The following WDR70 variants were observed in gnomAD, a reference collection of about 807,000 sequenced individuals.
WDR70 encodes the protein WD repeat domain 70.
Under a neutral mutation model 88.6 loss-of-function variants are expected in WDR70, and 53 were observed. That is an observed-to-expected ratio of 0.60 (90% CI 0.48 to 0.75). WDR70 has a LOEUF of 0.75. WDR70 is among the 30% of genes least tolerant of loss of function. The pLI is 0.00. For synonymous variants in WDR70, 280 were observed against 270.0 expected (o/e 1.04, Z -0.36); for missense variants, 610 against 823.2 (o/e 0.74, Z 3.17).
intron 15 of WDR70, 61 bp from the exon 16 acceptor site, chr5:37,724,873 T>A: frequency 7.1e-7 from 1 of 1,404,214 alleles, no homozygotes; most frequent in Non-Finnish European, 1.0e-6. Flanking sequence ...ATGCTTTAAC[T>A]ATGTTTTTGG....
At chr5:37,528,870 G>A (rs778393963) in intron 9 of WDR70, among the ~76,000 whole-genome samples, 9 of 145,700 alleles carry the variant, frequency 6.2e-5, no homozygotes, top group Admixed American at 2.0e-4. Flanking sequence ...TTGGGTTCTT[G>A]GTCATGAAGT....
chr5:37,502,400 A>G (rs774948190), intron 8 of WDR70, among the ~76,000 whole-genome samples: 1 of 152,102 alleles, frequency 6.6e-6, no homozygotes, highest in Non-Finnish European at 1.5e-5. Flanking sequence ...TTCCCCATTT[A>G]GTATGATGTT....
intron 13 of WDR70, among the ~76,000 whole-genome samples, chr5:37,710,466 A>G (rs1041544654): frequency 3.9e-5 from 6 of 152,178 alleles, no homozygotes; most frequent in African/African-American, 1.4e-4. Context: ...GCGGTCCCCA[A>G]CTTTTTTGGC....
chr5:37,396,515 TTAA>T lies in WDR70; in HGVS notation c.439_441del (p.Asn147del). 2 of 1,613,512 alleles carry T rather than the reference TTAA, an allele frequency of 1.2e-6. No homozygotes were observed. The highest frequency in any genetic ancestry group is 1.7e-6 in the Non-Finnish European group (2 of 1,179,922). The stretch of plus-strand genomic sequence containing the variant: ...ATCCTCGGTCCTTTACCTCCACCTC[TTAA>T]TGAAGAAGAAGAAGAAGCAGAGGAA... On this transcript the variant is annotated inframe_deletion, in exon 5 of 18. Coordinates refer to ENST00000265107, the MANE Select transcript of WDR70 (RefSeq NM_018034.4).
rs70978826 is a variant in WDR70, at chr5:37,514,339, C to CATATATAT, written c.841-2162_841-2155dup. ...CGACATTATGGCATATTTAGAACTA[C>CATATATAT]ATATATATATATATATATATGTATG... On this transcript the variant is annotated intron_variant, in intron 8 of 17. Transcript: ENST00000265107. Among the ~76,000 whole-genome samples, 277 of 28,726 alleles carry CATATATAT rather than the reference C, an allele frequency of 9.6e-3. 28 individuals carry two copies. The highest frequency in any genetic ancestry group is 0.067 in the Middle Eastern group (2 of 30). 18.8% of individuals were successfully genotyped at this position (28,726 alleles called of 152,430 possible).
intron 9 of WDR70, among the ~76,000 whole-genome samples, chr5:37,580,577 C>T (rs1202254471): frequency 6.6e-6 from 1 of 152,230 alleles, no homozygotes; most frequent in Non-Finnish European, 1.5e-5. Flanking sequence ...TTGCTATATT[C>T]TCTCTTTACT....
chr5:37,572,916 C>G (rs965514653), intron 9 of WDR70, among the ~76,000 whole-genome samples: 1 of 152,172 alleles, frequency 6.6e-6, no homozygotes, highest in Non-Finnish European at 1.5e-5. Context: ...TGTTCTAACT[C>G]TTTTTAATTC....
In WDR70 at chr5:37,697,861, G is replaced by T. The variant is rs1296453665; in HGVS notation, c.1192+107G>T. On this transcript the variant is annotated intron_variant, in intron 11 of 17. Transcript: ENST00000265107. ...CTTAGTAAAGCTTGCTTTGATTTTT[G>T]TTAATGCACCTTTGCCAGTCTGATT... 6.3e-5 allele frequency: 52 copies of T among 821,890 alleles called. 1 individual carries two copies. In the Admixed American group the frequency reaches 1.3e-3, roughly 21 times the overall value. The allele number at this position is 821,890 out of a possible 1,614,324, so 50.9% of individuals were successfully genotyped here. A position where few individuals can be genotyped will look rare whatever the true frequency, so the allele number is the denominator to read the frequency against.
chr5:37,749,427 C>T (rs1259299124), intron 17 of WDR70, among the ~76,000 whole-genome samples: 2 of 150,428 alleles, frequency 1.3e-5, no homozygotes, highest in East Asian at 3.9e-4. Context: ...GAACACCACA[C>T]ACCAGGGCCT....
chr5:37,525,268 T>A (rs1297078774), intron 9 of WDR70, among the ~76,000 whole-genome samples: 1 of 152,136 alleles, frequency 6.6e-6, no homozygotes. Context: ...ACAGAAATTA[T>A]AAAAAACCGT....
intron 9 of WDR70, among the ~76,000 whole-genome samples, chr5:37,592,417 A>G (rs1044091987): frequency 2.1e-5 from 3 of 144,524 alleles, no homozygotes; most frequent in African/African-American, 2.6e-5. Context: ...TTATTCATAC[A>G]TAAGTACTTA....
At chr5:37,433,287 C>T (rs186183351) in intron 5 of WDR70, among the ~76,000 whole-genome samples, 57 of 152,134 alleles carry the variant, frequency 3.7e-4, no homozygotes, top group Non-Finnish European at 6.5e-4. Flanking sequence ...TCTCAAACTC[C>T]TGGCCTCAAG....
chr5:37,498,979 T>G (rs1740311778), intron 8 of WDR70, among the ~76,000 whole-genome samples: 1 of 152,240 alleles, frequency 6.6e-6, no homozygotes, highest in African/African-American at 2.4e-5. Context: ...TCCGTTGCTC[T>G]GTAGCCTCAC....
chr5:37,655,852 G>A (rs536919809), intron 10 of WDR70, among the ~76,000 whole-genome samples: 3 of 151,824 alleles, frequency 2.0e-5, no homozygotes, highest in South Asian at 4.2e-4. Context: ...CTTTTTTCAA[G>A]GTTCTTAGTT....
Position 37,671,471 on chromosome 5 carries a change from C to G in WDR70, c.1093-26184C>G, listed in dbSNP as rs549708984. ...ATTTTAAAGATTAATAAACTGAAAACTGGAAAAGTCTAGCAGCTTGGCCAG... is the reference window on the plus strand; with the variant it reads ...ATTTTAAAGATTAATAAACTGAAAAGTGGAAAAGTCTAGCAGCTTGGCCAG... On this transcript the variant is annotated intron_variant, in intron 10 of 17. Transcript: ENST00000265107. Among the ~76,000 whole-genome samples, 178 of 152,148 alleles carry G rather than the reference C, an allele frequency of 1.2e-3. 1 individual carries two copies. The highest frequency in any genetic ancestry group is 3.4e-3 in the Middle Eastern group (1 of 294).
At chr5:37,388,079 C>T (rs1748682524) in intron 3 of WDR70, among the ~76,000 whole-genome samples, 1 of 151,890 alleles carries the variant, frequency 6.6e-6, no homozygotes, top group Admixed American at 6.6e-5. Flanking sequence ...TTTTTATGTT[C>T]TTGAAAGCTA....
chr5:37,583,282 C>T (rs1743271711), intron 9 of WDR70, among the ~76,000 whole-genome samples: 1 of 151,958 alleles, frequency 6.6e-6, no homozygotes, highest in Non-Finnish European at 1.5e-5. Flanking sequence ...AAAAGTTAGC[C>T]AGGCGTGGTG....
chr5:37,712,128 G>T (rs1747531318), intron 13 of WDR70, among the ~76,000 whole-genome samples: 1 of 151,758 alleles, frequency 6.6e-6, no homozygotes, highest in Admixed American at 6.6e-5. Context: ...GAGTAGCTGG[G>T]ATTACAGGCA....
intron 12 of WDR70, 72 bp from the exon 13 acceptor site, chr5:37,702,877 T>G: frequency 1.4e-6 from 2 of 1,465,650 alleles, no homozygotes; most frequent in Non-Finnish European, 1.9e-6. Context: ...TATATTTTAT[T>G]TAATTCACTA....
Sources: gnomAD v4.1 joint callset for allele counts (sites outside exome capture counted in the v4.1 genomes callset) on GRCh38, gnomAD v4.1.1 for gene constraint, MANE v1.5 for transcripts, NCBI Gene and HGNC (gene_info 2026-07-23, HGNC 2026-07-21) for gene names.